FOCAD: variants seen among roughly 807,000 people sequenced by gnomAD.
FOCAD encodes the protein focadhesin.
In FOCAD, 198 loss-of-function variants were observed where a neutral mutation model predicts 225.6. That is an observed-to-expected ratio of 0.88 (90% confidence interval 0.78 to 0.99). The LOEUF (loss-of-function observed/expected upper bound fraction) is 0.99, where lower values mean the gene tolerates loss of function less well. Ranked by LOEUF, FOCAD falls within the 50% of genes least tolerant of loss-of-function variation. The probability of loss-of-function intolerance (pLI) is 0.00; values close to 1 mark genes in which losing one functional copy is unlikely to be tolerated. For missense variants in FOCAD, 2,713 were observed against 2,123.6 expected (o/e 1.28, Z -5.46); for synonymous variants, 897 against 755.0 (o/e 1.19, Z -3.08).
At chr9:20,680,287 C>CT (rs1822363717), upstream of FOCAD, among the ~76,000 whole-genome samples, 1 of 152,148 alleles carries the variant, frequency 6.6e-6, no homozygotes, top group Non-Finnish European at 1.5e-5. Flanking sequence ...TGTCCGGGTG[C>CT]GATGGCTCAT....
intron 15 of FOCAD, among the ~76,000 whole-genome samples, chr9:20,854,376 G>C (rs1440208533): frequency 6.6e-6 from 1 of 151,616 alleles, no homozygotes; most frequent in African/African-American, 2.4e-5. Flanking sequence ...GTCTCCATAT[G>C]GGCTTTACTG....
chr9:20,830,612 T>A (rs1374295783), intron 15 of FOCAD, among the ~76,000 whole-genome samples: 1 of 152,124 alleles, frequency 6.6e-6, no homozygotes, highest in African/African-American at 2.4e-5. Context: ...TTACTTTCCG[T>A]TGAATGAAAA....
intron 2 of FOCAD, chr9:20,716,134 C>A (rs773685607): frequency 4.1e-6 from 2 of 482,522 alleles, no homozygotes; most frequent in Non-Finnish European, 8.9e-6. Flanking sequence ...GGGAACCCTT[C>A]CATGAGGAGT....
chr9:20,816,914 A>G (rs1216791171), intron 11 of FOCAD, among the ~76,000 whole-genome samples: 1 of 152,160 alleles, frequency 6.6e-6, no homozygotes, highest in African/African-American at 2.4e-5. Flanking sequence ...TTTAAAGTGT[A>G]TGAAAGGATG....
At chr9:20,833,462 A>G (rs1276092805) in intron 15 of FOCAD, among the ~76,000 whole-genome samples, 2 of 152,090 alleles carry the variant, frequency 1.3e-5, no homozygotes, top group African/African-American at 4.8e-5. Flanking sequence ...TAAACATACT[A>G]ATATCTACTT....
At chr9:20,819,597 T>C (rs1824098671) in intron 11 of FOCAD, among the ~76,000 whole-genome samples, 199 bp from the exon 12 acceptor site, 1 of 152,118 alleles carries the variant, frequency 6.6e-6, no homozygotes, top group Non-Finnish European at 1.5e-5. Context: ...GATTGGTGTT[T>C]GGCAGCTAAT....
At chr9:20,917,313 C>A (rs1233344959) in intron 24 of FOCAD, among the ~76,000 whole-genome samples, 1 of 151,896 alleles carries the variant, frequency 6.6e-6, no homozygotes, top group Non-Finnish European at 1.5e-5. Flanking sequence ...GTAGTACTTC[C>A]TTTTGTTCCA....
intron 26 of FOCAD, among the ~76,000 whole-genome samples, chr9:20,927,462 T>C (rs1049463821): frequency 2.0e-5 from 3 of 152,110 alleles, no homozygotes; most frequent in African/African-American, 7.2e-5. Flanking sequence ...TCAAATAATA[T>C]ACTTTATGTA....
intron 26 of FOCAD, 161 bp from the exon 27 acceptor site, chr9:20,929,197 T>A: frequency 3.5e-6 from 2 of 579,482 alleles, no homozygotes; most frequent in South Asian, 4.8e-5. Context: ...GAAAACATAA[T>A]CTATAGACAA....
chr9:20,709,936 A>G (rs1277673044), intron 1 of FOCAD, among the ~76,000 whole-genome samples: 2 of 152,230 alleles, frequency 1.3e-5, no homozygotes, highest in Non-Finnish European at 2.9e-5. Flanking sequence ...TCCTGAAAAC[A>G]AGGTCATCTT....
At chr9:20,664,389 A>T (rs577752928) in intron 2 of FOCAD, among the ~76,000 whole-genome samples, 2 of 151,342 alleles carry the variant, frequency 1.3e-5, no homozygotes, top group Admixed American at 1.3e-4. Context: ...TAATGGTTCA[A>T]CAAATCAGAC....
At chr9:20,768,694 G>C (rs1817851792) in intron 7 of FOCAD, among the ~76,000 whole-genome samples, 1 of 152,112 alleles carries the variant, frequency 6.6e-6, no homozygotes, top group African/African-American at 2.4e-5. Context: ...AAATAACCAT[G>C]CAACCTTGTT....
intron 23 of FOCAD, among the ~76,000 whole-genome samples, chr9:20,913,846 G>A (rs887539250): frequency 6.6e-6 from 1 of 152,110 alleles, no homozygotes; most frequent in Non-Finnish European, 1.5e-5. Context: ...GTGATAATTG[G>A]TGAAGTAGTA....
At chr9:20,948,797 A>G in intron 31 of FOCAD, 54 bp from the exon 32 acceptor site, 2 of 1,587,302 alleles carry the variant, frequency 1.3e-6, no homozygotes, top group South Asian at 1.1e-5. Context: ...GTTTTATAGA[A>G]TCTAAACCCA....
At chr9:20,761,524 C>T (rs1335054784) in intron 6 of FOCAD, among the ~76,000 whole-genome samples, 3 of 151,994 alleles carry the variant, frequency 2.0e-5, no homozygotes, top group African/African-American at 4.8e-5. Flanking sequence ...GGGTTCACGC[C>T]ATTCTTCTGC....
intron 2 of FOCAD, among the ~76,000 whole-genome samples, chr9:20,717,424 G>A (rs1393950754): frequency 6.6e-6 from 1 of 152,158 alleles, no homozygotes; most frequent in African/African-American, 2.4e-5. Flanking sequence ...GGTGGATTTC[G>A]TTTCAGTGCA....
intron 21 of FOCAD, among the ~76,000 whole-genome samples, chr9:20,891,252 A>G (rs1248594785): frequency 6.6e-6 from 1 of 152,188 alleles, no homozygotes; most frequent in Non-Finnish European, 1.5e-5. Flanking sequence ...AGACACAACA[A>G]TATTGAAATT....
intron 19 of FOCAD, 132 bp from the exon 20 acceptor site, chr9:20,881,739 G>A (rs138059528): frequency 2.3e-5 from 19 of 809,716 alleles, no homozygotes; most frequent in Non-Finnish European, 3.5e-5. Context: ...TAGGTATCAA[G>A]AGGTCTCTTT....
chr9:20,865,393 C>G (rs774299078), intron 16 of FOCAD, among the ~76,000 whole-genome samples: 1 of 152,012 alleles, frequency 6.6e-6, no homozygotes, highest in Non-Finnish European at 1.5e-5. Context: ...AGAAGACCAC[C>G]GACTGTTGGA....
Sources: allele counts gnomAD v4.1 joint callset (sites outside exome capture counted in the v4.1 genomes callset), GRCh38; gene constraint gnomAD v4.1.1; transcripts MANE v1.5; gene names NCBI Gene and HGNC (gene_info 2026-07-23, HGNC 2026-07-21).